Variants in INSL6 observed in about 807,000 individuals in gnomAD.
INSL6 encodes the protein insulin like 6, also known as insulin-like peptide INSL6.
In INSL6, 16 loss-of-function variants were observed where a neutral mutation model predicts 9.4. That is an observed-to-expected ratio of 1.70 (90% CI 1.15 to 2.59). The LOEUF (loss-of-function observed/expected upper bound fraction) is 2.59. Ranked by LOEUF, INSL6 falls within the 30% of genes most tolerant of loss-of-function variation. The pLI, the probability that INSL6 is intolerant of heterozygous loss-of-function variation, is 0.00. For synonymous variants in INSL6, 154 were observed against 96.9 expected, an observed-to-expected ratio of 1.59 and a Z score of -3.46; for missense variants, 391 against 257.3, an observed-to-expected ratio of 1.52 and a Z score of -3.56.
the INSL6 span, among the ~76,000 whole-genome samples, chr9:5,053,860 C>T: frequency 2.0e-5 from 3 of 151,708 alleles, no homozygotes; most frequent in Non-Finnish European, 4.4e-5. Flanking sequence ...GAATGAGTAA[C>T]TAGATAGGAG....
chr9:5,125,325 A>G (rs1435972969), intron 3 of INSL6, among the ~76,000 whole-genome samples: 5 of 151,210 alleles, frequency 3.3e-5, no homozygotes, highest in Admixed American at 2.6e-4. Flanking sequence ...TTCATGAAGT[A>G]TTACAGCATG....
chr9:5,158,082 C>A (rs561067447), intron 2 of INSL6, among the ~76,000 whole-genome samples: 1 of 152,088 alleles, frequency 6.6e-6, no homozygotes, highest in South Asian at 2.1e-4. Context: ...CTCTTAATAG[C>A]AGACTTGATC....
At chr9:5,114,426 T>G in the INSL6 span, 1 of 493,610 alleles carries the variant, frequency 2.0e-6, no homozygotes, top group Non-Finnish European at 4.0e-6. Context: ...GGGGGAGACC[T>G]ACCAGTGCAG....
At chr9:5,102,543 T>G in the INSL6 span, among the ~76,000 whole-genome samples, 1 of 151,810 alleles carries the variant, frequency 6.6e-6, no homozygotes, top group Non-Finnish European at 1.5e-5. Flanking sequence ...TACAGAGAAC[T>G]CCACAAAGAT....
chr9:5,085,232 G>C, the INSL6 span: 1 of 670,574 alleles, frequency 1.5e-6, no homozygotes, highest in Non-Finnish European at 2.9e-6. Context: ...CAGGCAAATA[G>C]GACAGGACCA....
intron 2 of INSL6, among the ~76,000 whole-genome samples, chr9:5,137,331 G>A (rs1366637390): frequency 6.6e-6 from 1 of 152,088 alleles, no homozygotes; most frequent in Non-Finnish European, 1.5e-5. Context: ...TAAGCAAAAA[G>A]AACAAAGCTG....
chr9:5,069,197 C>G, the INSL6 span: 1 of 1,599,702 alleles, frequency 6.3e-7, no homozygotes, highest in African/African-American at 1.4e-5. Context: ...TGCTGTCCCC[C>G]AAAGCCAAAA....
chr9:5,136,314 C>CA (rs1564035306), intron 2 of INSL6, among the ~76,000 whole-genome samples: 7 of 151,902 alleles, frequency 4.6e-5, no homozygotes, highest in Admixed American at 2.0e-4. Flanking sequence ...AGAGACACAA[C>CA]AAAAAAAGAG....
At chr9:5,152,726 GTGA>G (rs1824734942) in intron 2 of INSL6, among the ~76,000 whole-genome samples, 1 of 152,142 alleles carries the variant, frequency 6.6e-6, no homozygotes, top group Non-Finnish European at 1.5e-5. Context: ...AAGGCAAAAG[GTGA>G]TGATCTGAAA....
rs779264313 is a variant in INSL6, at chr9:5,164,252, C to T, written c.303G>A (p.Trp101Ter). 146 of 1,600,814 alleles carry T rather than the reference C, an allele frequency of 9.1e-5. 5 individuals carry two copies. The highest frequency in any genetic ancestry group is 2.9e-5 in the Non-Finnish European group (34 of 1,172,718). ...TTTCCCAACTGTTTACTGCTTCTTC[C>T]CAAGAAGTAGACACTGTTGAGAGAG... The part of the protein sequence containing the change: ...GRGTNPVSTS[W>*]EEAVNSWEMQ... The change falls in exon 2 of 2, where the codon TGG becomes TGA. Residue 101 changes from tryptophan (W) to a stop codon, truncating the protein, a stop_gained. Coordinates refer to ENST00000381641, the MANE Select transcript of INSL6 (RefSeq NM_007179.3). LOFTEE classifies it low-confidence loss of function (END_TRUNC).
chr9:5,088,884 A>G, the INSL6 span, among the ~76,000 whole-genome samples: 1 of 152,348 alleles, frequency 6.6e-6, no homozygotes, highest in South Asian at 2.1e-4. Context: ...ACAAGGCCCT[A>G]TCTCCAAATA....
the INSL6 span, among the ~76,000 whole-genome samples, chr9:5,104,688 C>G: frequency 6.6e-6 from 1 of 152,318 alleles, no homozygotes; most frequent in Non-Finnish European, 1.5e-5. Flanking sequence ...AATCCAGCAG[C>G]ACATCCAAAA....
the INSL6 span, chr9:5,055,558 A>G: frequency 6.1e-6 from 5 of 814,292 alleles, no homozygotes; most frequent in Non-Finnish European, 9.4e-6. Context: ...ATTGTTATCA[A>G]TACCTTTTTT....
chr9:5,062,610 T>C, the INSL6 span, among the ~76,000 whole-genome samples: 42,581 of 151,088 alleles, frequency 0.28, 6,064 homozygotes, highest in South Asian at 0.31. Context: ...GGATACTAGT[T>C]AGTGAACTGC....
At chr9:5,008,849 G>A in the INSL6 span, among the ~76,000 whole-genome samples, 1 of 151,910 alleles carries the variant, frequency 6.6e-6, no homozygotes, top group Non-Finnish European at 1.5e-5. Context: ...CTTCTCTTTA[G>A]AATTGTACTC....
chr9:5,127,749 T>G (rs760162707), intron 3 of INSL6: 1 of 232,630 alleles, frequency 4.3e-6, no homozygotes, highest in Non-Finnish European at 8.5e-6. Context: ...GATTAGATTG[T>G]TTTTTAAAAA....
the INSL6 span, among the ~76,000 whole-genome samples, chr9:5,046,230 T>A: frequency 1.3e-5 from 2 of 152,290 alleles, no homozygotes; most frequent in South Asian, 4.1e-4. Flanking sequence ...CAGAGATGTC[T>A]ACTGAAGTCC....
chr9:5,016,969 T>A, the INSL6 span, among the ~76,000 whole-genome samples: 2 of 152,198 alleles, frequency 1.3e-5, no homozygotes, highest in African/African-American at 4.8e-5. Flanking sequence ...AGATTAAAAG[T>A]ATGTAGTCAT....
the INSL6 span, among the ~76,000 whole-genome samples, chr9:5,116,179 T>C: frequency 6.6e-6 from 1 of 152,202 alleles, no homozygotes; most frequent in African/African-American, 2.4e-5. Flanking sequence ...TTATTATCTC[T>C]ATTTTAAGCA....
Sources: gnomAD v4.1 joint callset for allele counts (sites outside exome capture counted in the v4.1 genomes callset) on GRCh38, gnomAD v4.1.1 for gene constraint, MANE v1.5 for transcripts, NCBI Gene and HGNC (gene_info 2026-07-23, HGNC 2026-07-21) for gene names.